Variants in SMARCC2 observed in about 807,000 individuals in gnomAD.
The protein encoded by SMARCC2 is SWI/SNF complex subunit SMARCC2.
A neutral mutation model predicts 151.3 loss-of-function variants in SMARCC2; 15 were observed. The observed-to-expected ratio is 0.10, with a 90% CI of 0.07 to 0.15. The LOEUF is 0.15. Among genes scored for constraint, SMARCC2 ranks in the 10% least tolerant of loss-of-function variants. The pLI is 1.00. For synonymous variants in SMARCC2, 590 were observed against 609.5 expected (o/e 0.97, Z 0.47); for missense variants, 1,031 against 1,599.7 (o/e 0.64, Z 6.06).
At chr12:56,179,588 G>A (rs1174007722) in intron 11 of SMARCC2, among the ~76,000 whole-genome samples, 1 of 152,218 alleles carries the variant, frequency 6.6e-6, no homozygotes, top group Non-Finnish European at 1.5e-5. Flanking sequence ...CTGTAAACCA[G>A]TATTGGTGGA....
intron 1 of SMARCC2, 52 bp downstream of exon 1, chr12:56,189,299 G>A (rs527964061): frequency 1.7e-6 from 2 of 1,185,512 alleles, no homozygotes; most frequent in East Asian, 3.0e-5. Flanking sequence ...GCAGGGCCGC[G>A]GTCCCTTTGT....
At position 56,165,656 on chromosome 12, in the gene SMARCC2, A is replaced by T; in HGVS notation, c.2894T>A (p.Phe965Tyr). The T allele has an allele frequency of 6.2e-7, 1 of 1,612,996 alleles. No individual in the cohort carries two copies. The highest frequency in any genetic ancestry group is 8.5e-7 in the Non-Finnish European group (1 of 1,180,036). Residue 965 changes from phenylalanine to tyrosine, a missense_variant, in exon 27 of 29, where the codon TTC becomes TAC. Phe to Tyr is a conservative substitution (Grantham distance 22). This residue lies in a region of SMARCC2 where 49 missense variants were observed against 134.8 expected (regional missense o/e 0.36). Transcript: ENST00000550164. ...RQQLLADRQA[F>Y]HMEQLKYAEM... ...CGCATACTTCAGCTGCTCCATGTGG[A>T]AGGCTTGTCTGTCGGCCAGGAGCTG...
At chr12:56,166,703 C>T (rs1872833175) in intron 26 of SMARCC2, among the ~76,000 whole-genome samples, 1 of 151,878 alleles carries the variant, frequency 6.6e-6, no homozygotes, top group Admixed American at 6.6e-5. Flanking sequence ...GATCCTCCCA[C>T]CTCAGCTTCC....
intron 15 of SMARCC2, 146 bp from the exon 16 acceptor site, chr12:56,174,910 C>T (rs373846575): frequency 8.3e-6 from 5 of 605,652 alleles, no homozygotes; most frequent in African/African-American, 1.8e-5. Context: ...ATGCTGAGTG[C>T]CTGCTATGTG....
chr12:56,187,154 A>C (rs777176101), intron 2 of SMARCC2, 33 bp downstream of exon 2: 2 of 1,580,896 alleles, frequency 1.3e-6, no homozygotes. Flanking sequence ...CACCACCACC[A>C]CCCCCCACCC....
At chr12:56,163,976 C>T (rs949884546) in intron 28 of SMARCC2, among the ~76,000 whole-genome samples, 4 of 152,120 alleles carry the variant, frequency 2.6e-5, no homozygotes, top group African/African-American at 7.2e-5. Flanking sequence ...GGCATTTGAA[C>T]GTGATAGGAA....
rs1873884821 is a variant in SMARCC2 at position 56,171,172 on chromosome 12, T to C, written c.2347+99A>G. Reference sequence around the variant, plus strand: ...AACCCTACCAATGTTCTCATTCATGTTGTGCTCTAATGCCAACTTGAGGCA... The same window carrying C: ...AACCCTACCAATGTTCTCATTCATGCTGTGCTCTAATGCCAACTTGAGGCA... On this transcript the variant is annotated intron_variant, in intron 22 of 28. Coordinates refer to ENST00000550164, the MANE Select transcript of SMARCC2 (RefSeq NM_001330288.2). This position sits in a 1 kb window ranked among gnomAD's most constrained non-coding sequence, Gnocchi z 4.2. The C allele has an allele frequency of 1.4e-5, 17 of 1,184,882 alleles. No individual in the cohort carries two copies. In the East Asian group the frequency reaches 4.0e-4, roughly 28 times the overall value. The allele number at this position is 1,184,882 out of a possible 1,614,324, so 73.4% of individuals were successfully genotyped here.
At chr12:56,173,066 G>A in intron 17 of SMARCC2, 37 bp from the exon 18 acceptor site, 1 of 1,601,836 alleles carries the variant, frequency 6.2e-7, no homozygotes, top group Non-Finnish European at 8.5e-7. Context: ...AGGCTGGGCA[G>A]GAAATGACCA....
rs757238844 is a variant in SMARCC2 at position 56,181,524 on chromosome 12, G to A, written c.914C>T (p.Pro305Leu). 1 of 1,569,790 alleles carries A rather than the reference G, an allele frequency of 6.4e-7. No homozygotes were observed. The highest frequency in any genetic ancestry group is 1.2e-5 in the South Asian group (1 of 82,108). ...NYKKRKRSPS[P>L]SPTPEAKKKN... ...CTTCTTTGCTTCTGGGGTTGGTGAAGGAGAGGGGGAGCGCTTCCTCTTCTT... is the reference window on the plus strand; with the variant it reads ...CTTCTTTGCTTCTGGGGTTGGTGAAAGAGAGGGGGAGCGCTTCCTCTTCTT... The change falls in exon 10 of 29, where the codon CCT (proline) becomes CTT (leucine). Residue 305 changes from proline to leucine, a missense_variant. Physicochemically the swap from Pro to Leu is moderately conservative, Grantham distance 98. Transcript: ENST00000550164.
chr12:56,165,151 G>A (rs528852325), intron 27 of SMARCC2, among the ~76,000 whole-genome samples, 167 bp downstream of exon 27: 1 of 152,340 alleles, frequency 6.6e-6, no homozygotes, highest in African/African-American at 2.4e-5. Flanking sequence ...AAGCTCTCGA[G>A]TTTGGGGAAG....
In SMARCC2 at chr12:56,187,232, T is replaced by C. The variant is rs750336304; in HGVS notation, c.186A>G (p.Glu62=). ...CATTGCTGACATGTTTGCCAAAAAC[T>C]TCTTCCTGAAATTGTAGCAACTGTA... ...LVVQLLQFQE[E]VFGKHVSNAP... is the part of the protein sequence containing the mutation. The change falls in exon 2 of 29, where the codon GAA becomes GAG. Residue 62 remains glutamate, a synonymous_variant. Transcript: ENST00000550164. 4 of 1,614,018 alleles carry C rather than the reference T, an allele frequency of 2.5e-6. No homozygotes were observed. Among genetic ancestry groups the C allele is most frequent in the Non-Finnish European group, 3.4e-6 (4 of 1,179,936 alleles).
Position 56,181,713 on chromosome 12 carries a change from C to A in SMARCC2, c.831G>T (p.Leu277=). The A allele has an allele frequency of 6.2e-7, 1 of 1,614,176 alleles. No homozygotes were observed. The change falls in exon 9 of 29, where the codon CTG becomes CTT. Residue 277 remains leucine, a synonymous_variant. Coordinates refer to ENST00000550164, the MANE Select transcript of SMARCC2 (RefSeq NM_001330288.2). The part of the protein sequence containing the change: ...SRRKKISAKT[L]TDEVNSPDSD... ...GAACAGGATTTGTCACCTCATCTGT[C>A]AGTGTCTTGGCTGAAATCTTCTTTC...
At chr12:56,184,980 T>C in intron 4 of SMARCC2, 44 bp from the exon 5 acceptor site, 1 of 1,591,592 alleles carries the variant, frequency 6.3e-7, no homozygotes, top group Non-Finnish European at 8.6e-7. Context: ...AAAGGGGTGT[T>C]TTAGATTCTC....
At chr12:56,187,914 G>C (rs76691507) in intron 1 of SMARCC2, among the ~76,000 whole-genome samples, 1 of 152,182 alleles carries the variant, frequency 6.6e-6, no homozygotes, top group African/African-American at 2.4e-5. Context: ...TACCCTGTCC[G>C]AGGAAACTGT....
intron 16 of SMARCC2, 52 bp from the exon 17 acceptor site, chr12:56,173,901 C>T (rs767037099): frequency 7.9e-5 from 121 of 1,541,070 alleles, no homozygotes; most frequent in Middle Eastern, 6.9e-4. Flanking sequence ...GAAAGGTGCA[C>T]GAGGAAGAGG....
chr12:56,173,086 C>T, intron 17 of SMARCC2, 57 bp from the exon 18 acceptor site: 3 of 1,533,554 alleles, frequency 2.0e-6, no homozygotes, highest in Non-Finnish European at 2.7e-6. Flanking sequence ...AGGCCAAGGC[C>T]CTGGAGGCCT....
rs1301364054 is a variant in SMARCC2 at position 56,181,476 on chromosome 12, GCA to G, written c.956+4_956+5del. On this transcript the variant is annotated splice_donor_5th_base_variant and intron_variant, in intron 10 of 28. Transcript: ENST00000550164. Reference sequence around the variant, plus strand: ...GAACACGGGGGCAGGCTAGGGGCTGGCACACCCTTTCTTAGCATTTTTCTTCT... The same window carrying G: ...GAACACGGGGGCAGGCTAGGGGCTGGCACCCTTTCTTAGCATTTTTCTTCT... The G allele has an allele frequency of 1.3e-6, 2 of 1,483,712 alleles. No individual in the cohort carries two copies. The highest frequency in any genetic ancestry group is 2.3e-5 in the East Asian group (1 of 44,146). 91.9% of individuals were successfully genotyped at this position (1,483,712 alleles called of 1,614,324 possible).
In SMARCC2 at chr12:56,172,981, G is replaced by C; in HGVS notation, c.1699C>G (p.Leu567Val). ...DTKAGRKGKE[L>V]DDLVPETAKG... ...GCCGTCTCTGGCACCAGGTCATCCA[G>C]CTCTTTGCCCTTTCGCCCAGCCTTG... Residue 567 changes from leucine to valine, a missense_variant, in exon 18 of 29, where the codon CTG becomes GTG. Leu to Val is a conservative substitution (Grantham distance 32). Around this residue, in one of 12 missense-constraint regions of SMARCC2, gnomAD observed 99 missense variants for 148.3 expected, o/e 0.67. Transcript: ENST00000550164. 1 of 1,614,026 alleles carries C rather than the reference G, an allele frequency of 6.2e-7. No homozygotes were observed.
intron 18 of SMARCC2, 71 bp downstream of exon 18, chr12:56,172,866 C>T (rs1874215033): frequency 1.3e-6 from 2 of 1,584,536 alleles, no homozygotes; most frequent in Non-Finnish European, 1.7e-6. Flanking sequence ...TCTCATGTCT[C>T]TTCTTCCCGG....
Sources: gnomAD v4.1 joint callset for allele counts (sites outside exome capture counted in the v4.1 genomes callset) on GRCh38, gnomAD v4.1.1 for gene constraint, gnomAD v4.1.1 regional missense constraint, Gnocchi (gnomAD v3.1) non-coding constraint, MANE v1.5 for transcripts, NCBI Gene and HGNC (gene_info 2026-07-23, HGNC 2026-07-21) for gene names.